WDFY4: variants seen among roughly 807,000 people sequenced by gnomAD.
The protein encoded by WDFY4 is WDFY family member 4.
In WDFY4, 169 loss-of-function variants were observed where a neutral mutation model predicts 351.9. The ratio of observed to expected loss-of-function variants is 0.48; its 90% CI spans 0.42 to 0.55. The LOEUF (loss-of-function observed/expected upper bound fraction) is 0.55. Among genes scored for constraint, WDFY4 ranks in the 20% least tolerant of loss-of-function variants. The pLI is 0.00. For synonymous variants in WDFY4, 1,622 were observed against 1,574.6 expected, an observed-to-expected ratio of 1.03 and a Z score of -0.71; for missense variants, 3,803 against 3,935.6, an observed-to-expected ratio of 0.97 and a Z score of 0.90.
intron 47 of WDFY4, among the ~76,000 whole-genome samples, chr10:48,908,082 T>A (rs1837715638): frequency 6.6e-6 from 1 of 152,270 alleles, no homozygotes; most frequent in South Asian, 2.1e-4. Flanking sequence ...TTCATCTTTG[T>A]CTGGCTGTAC....
At chr10:48,900,838 T>C (rs60006799) in intron 46 of WDFY4, among the ~76,000 whole-genome samples, 7,663 of 152,262 alleles carry the variant, frequency 0.05, 647 homozygotes, top group African/African-American at 0.17. Context: ...CTTAATACCA[T>C]GGTTATTTGT....
intron 23 of WDFY4, among the ~76,000 whole-genome samples, chr10:48,791,420 G>A (rs941544180): frequency 3.3e-5 from 5 of 152,234 alleles, no homozygotes; most frequent in Non-Finnish European, 5.9e-5. Context: ...TGAGTGCTAA[G>A]TAAATGTTAG....
At position 48,731,283 on chromosome 10, in the gene WDFY4, G is replaced by C. The variant is rs1345078998; in HGVS notation, c.1303G>C (p.Glu435Gln). 1.9e-6 allele frequency: 3 copies of C among 1,551,932 alleles called. No individual in the cohort carries two copies. Among genetic ancestry groups the C allele is most frequent in the South Asian group, 1.2e-5 (1 of 84,064 alleles). ...WTLQPISQFV[E>Q]IMPLKPAPVQ... ...CCTGCAGCCCATCTCGCAGTTTGTA[G>C]AGATCATGCCCCTGAAGCCGGCCCC... Residue 435 changes from glutamate to glutamine, a missense_variant, in exon 9 of 62, where the codon GAG (glutamate) becomes CAG (glutamine). Glu to Gln is a conservative substitution (Grantham distance 29). Transcript: ENST00000325239.
At chr10:48,755,699 G>T (rs1396849501) in intron 12 of WDFY4, among the ~76,000 whole-genome samples, 1 of 152,050 alleles carries the variant, frequency 6.6e-6, no homozygotes, top group Non-Finnish European at 1.5e-5. Context: ...GACACTATTT[G>T]ATTTCATTGA....
chr10:48,773,080 C>G (rs2065920331), intron 13 of WDFY4, among the ~76,000 whole-genome samples: 1 of 152,114 alleles, frequency 6.6e-6, no homozygotes, highest in African/African-American at 2.4e-5. Context: ...AAATGCAAAT[C>G]AAAACCACAA....
At chr10:48,766,205 AG>A (rs758545620) in intron 13 of WDFY4, among the ~76,000 whole-genome samples, 1 of 152,166 alleles carries the variant, frequency 6.6e-6, no homozygotes, top group Non-Finnish European at 1.5e-5. Flanking sequence ...TTTCCCACTG[AG>A]CCCCTTACAC....
intron 1 of WDFY4, among the ~76,000 whole-genome samples, chr10:48,686,492 A>C (rs1463471560): frequency 6.6e-6 from 1 of 152,194 alleles, no homozygotes; most frequent in Non-Finnish European, 1.5e-5. Context: ...CAGAAGCAGC[A>C]ACAGTCCAGA....
chr10:48,720,714 C>G (rs910703305), intron 3 of WDFY4, among the ~76,000 whole-genome samples: 13 of 152,154 alleles, frequency 8.5e-5, no homozygotes, highest in African/African-American at 3.1e-4. Flanking sequence ...ATTGAAGATG[C>G]ACCTGTGTGT....
Position 48,743,567 on chromosome 10 carries a change from G to C in WDFY4, c.2459+19G>C. 5.2e-6 allele frequency: 8 copies of C among 1,524,188 alleles called. No homozygotes were observed. The highest frequency in any genetic ancestry group is 5.3e-6 in the Non-Finnish European group (6 of 1,137,904). The allele number at this position is 1,524,188 out of a possible 1,614,324, so 94.4% of individuals were successfully genotyped here. A position where few individuals can be genotyped will look rare whatever the true frequency, so the allele number is the denominator to read the frequency against. On this transcript the variant is annotated intron_variant, in intron 12 of 61. Coordinates refer to ENST00000325239, the MANE Select transcript of WDFY4 (RefSeq NM_001394531.1). The stretch of plus-strand genomic sequence containing the variant: ...AGGAGAGGTAGCTTCTTCTGCCAGT[G>C]TGTCATCAGTGCATCTCTGTCTCCC...
At chr10:48,686,239 G>A in intron 1 of WDFY4, among the ~76,000 whole-genome samples, 1 of 151,556 alleles carries the variant, frequency 6.6e-6, no homozygotes, top group East Asian at 1.9e-4. Flanking sequence ...TCAGCACTTT[G>A]GGAGGCTGAG....
At chr10:48,958,386 G>T (rs1412505248) in intron 52 of WDFY4, among the ~76,000 whole-genome samples, 2 of 152,190 alleles carry the variant, frequency 1.3e-5, no homozygotes, top group Non-Finnish European at 2.9e-5. Flanking sequence ...CTCAGGGAGG[G>T]TGGCAGCCAG....
chr10:48,829,548 T>TAA (rs1325769864), intron 37 of WDFY4, among the ~76,000 whole-genome samples: 2 of 152,192 alleles, frequency 1.3e-5, no homozygotes, highest in Non-Finnish European at 2.9e-5. Context: ...TCATATGTTG[T>TAA]AATACAAGAT....
chr10:48,869,173 T>A (rs1196518983), intron 40 of WDFY4, among the ~76,000 whole-genome samples: 1 of 152,236 alleles, frequency 6.6e-6, no homozygotes, highest in African/African-American at 2.4e-5. Flanking sequence ...CCTGCTTTTT[T>A]AAGGAGTAGT....
intron 55 of WDFY4, chr10:48,968,078 G>A (rs1215217549): frequency 1.3e-5 from 2 of 152,242 alleles, no homozygotes; most frequent in Non-Finnish European, 2.9e-5. Flanking sequence ...CTCCCATGTG[G>A]GCTCCAGGAG....
rs551712050 is a variant in WDFY4 at position 48,780,928 on chromosome 10, A to G, written c.3576+809A>G. The stretch of plus-strand genomic sequence containing the variant: ...TTTGACAACTTACTAATGTTTGTAA[A>G]ATTTTCTAGGTGATTCTAATATGCA... On this transcript the variant is annotated intron_variant, in intron 19 of 61. Coordinates refer to ENST00000325239, the MANE Select transcript of WDFY4 (RefSeq NM_001394531.1). 4.6e-5 allele frequency among the ~76,000 whole-genome samples: 7 copies of G among 152,278 alleles called. No homozygotes were observed. In the South Asian group the frequency reaches 8.3e-4, roughly 18 times the overall value.
intron 55 of WDFY4, chr10:48,967,649 C>T (rs1394536163): frequency 6.6e-6 from 1 of 152,148 alleles, no homozygotes; most frequent in Admixed American, 6.5e-5. Context: ...TGGGGGTGGT[C>T]CCAACCAGCC....
Position 48,775,773 on chromosome 10 carries a change from T to C in WDFY4, c.2830T>C (p.Ser944Pro), listed in dbSNP as rs1410751943. The change falls in exon 15 of 62, where the codon TCT (serine) becomes CCT (proline). Residue 944 changes from serine to proline, a missense_variant. Ser to Pro is a moderately conservative substitution (Grantham distance 74). Around this residue, in one of 3 missense-constraint regions of WDFY4, gnomAD observed 3,054 missense variants for 3,148.6 expected, o/e 0.97. Transcript: ENST00000325239. ...GGCCACAACAAAAATCCTTGATTCATCTCACACACACAGAGGCAACCCTGG... is the reference window on the plus strand; with the variant it reads ...GGCCACAACAAAAATCCTTGATTCACCTCACACACACAGAGGCAACCCTGG... ...LSATTKILDS[S>P]HTHRGNPGCS... 2 of 1,551,732 alleles carry C rather than the reference T, an allele frequency of 1.3e-6. No individual in the cohort carries two copies. The highest frequency in any genetic ancestry group is 2.0e-5 in the Admixed American group (1 of 51,010).
chr10:48,901,993 C>T (rs1837380553), intron 47 of WDFY4, 130 bp downstream of exon 47: 1 of 824,776 alleles, frequency 1.2e-6, no homozygotes, highest in South Asian at 1.6e-5. Flanking sequence ...TTTCTCTCTC[C>T]TATTCCTATA....
chr10:48,697,838 C>G (rs1330848976), intron 1 of WDFY4, among the ~76,000 whole-genome samples: 1 of 152,226 alleles, frequency 6.6e-6, no homozygotes, highest in Non-Finnish European at 1.5e-5. Context: ...GCTGGCCTCC[C>G]TTTTCTGGTC....
Sources: gnomAD v4.1 joint callset for allele counts (sites outside exome capture counted in the v4.1 genomes callset) on GRCh38, gnomAD v4.1.1 for gene constraint, gnomAD v4.1.1 regional missense constraint, MANE v1.5 for transcripts, NCBI Gene and HGNC (gene_info 2026-07-23, HGNC 2026-07-21) for gene names.